MRTFB: variants seen among roughly 807,000 people sequenced by gnomAD.
MRTFB encodes myocardin related transcription factor B.
Under a neutral mutation model 104.2 loss-of-function variants are expected in MRTFB, and 29 were observed. The observed-to-expected ratio is 0.28, with a 90% CI of 0.21 to 0.38. The LOEUF (loss-of-function observed/expected upper bound fraction) is 0.38. Among genes scored for constraint, MRTFB ranks in the 10% least tolerant of loss-of-function variants. MRTFB has a pLI of 1.00. For missense variants in MRTFB, 1,270 were observed against 1,341.6 expected (o/e 0.95, Z 0.83); for synonymous variants, 535 against 519.5 (o/e 1.03, Z -0.41).
At chr16:14,245,685 T>G (rs1304123649) in intron 11 of MRTFB, 25 bp downstream of exon 11, 2 of 1,604,194 alleles carry the variant, frequency 1.2e-6, no homozygotes, top group Non-Finnish European at 1.7e-6. Flanking sequence ...TGGAGCTTAT[T>G]CACCCCTAAG....
In MRTFB at chr16:14,081,736, C is replaced by T. The variant is rs2034420931; in HGVS notation, c.-64+2382C>T. ...CTGGGACCACAGGCACATGCCACCA[C>T]ACTCTGCCAAATTTTTTGTATTTTT... is the stretch of plus-strand genomic sequence containing the variant. On this transcript the variant is annotated intron_variant, in intron 2 of 16. Coordinates refer to ENST00000571589, the MANE Select transcript of MRTFB (RefSeq NM_001308142.2). Among the ~76,000 whole-genome samples, 2 of 152,084 alleles carry T rather than the reference C, an allele frequency of 1.3e-5. 1 individual carries two copies. Among genetic ancestry groups the T allele is most frequent in the South Asian group, 4.1e-4 (2 of 4,824 alleles).
At chr16:14,147,495 A>G (rs892361683) in intron 3 of MRTFB, among the ~76,000 whole-genome samples, 9 of 151,966 alleles carry the variant, frequency 5.9e-5, no homozygotes, top group Admixed American at 5.9e-4. Flanking sequence ...TCTGCCTTCT[A>G]TTTTTCTACT....
the MRTFB span, among the ~76,000 whole-genome samples, chr16:14,000,176 A>T: frequency 2.0e-5 from 3 of 152,166 alleles, no homozygotes; most frequent in South Asian, 2.1e-4. Context: ...ATAAACTCCC[A>T]AGCGCCTGTA....
At chr16:14,104,384 C>T (rs1314444145) in intron 2 of MRTFB, among the ~76,000 whole-genome samples, 21 of 152,198 alleles carry the variant, frequency 1.4e-4, no homozygotes, top group Admixed American at 1.4e-3. Context: ...ATGTTCTCCA[C>T]AGCAGCAGAA....
At chr16:14,120,325 T>C (rs2036779218) in intron 2 of MRTFB, among the ~76,000 whole-genome samples, 1 of 152,234 alleles carries the variant, frequency 6.6e-6, no homozygotes, top group South Asian at 2.1e-4. Flanking sequence ...TGTTCATTTA[T>C]GGTTGGTGCT....
At chr16:14,257,355 C>T (rs2043540172) in intron 15 of MRTFB, among the ~76,000 whole-genome samples, 1 of 152,122 alleles carries the variant, frequency 6.6e-6, no homozygotes. Context: ...ATCCACAAGT[C>T]AATGAATAAA....
At chr16:14,039,011 C>A in the MRTFB span, among the ~76,000 whole-genome samples, 1 of 152,208 alleles carries the variant, frequency 6.6e-6, no homozygotes, top group Non-Finnish European at 1.5e-5. Context: ...ATGGGGGAAA[C>A]TGCCCCCATG....
chr16:14,186,771 A>G, intron 3 of MRTFB: 1 of 1,511,402 alleles, frequency 6.6e-7, no homozygotes, highest in Non-Finnish European at 8.7e-7. Flanking sequence ...CAGCTGCTTA[A>G]AGACATAATT....
chr16:14,250,468 G>T (rs77468812), intron 13 of MRTFB, among the ~76,000 whole-genome samples: 2,969 of 152,306 alleles, frequency 0.019, 110 homozygotes, highest in African/African-American at 0.067. Context: ...ACAGCAAGAA[G>T]TTCTCACCTT....
At chr16:14,193,227 A>G (rs1189099786) in intron 3 of MRTFB, among the ~76,000 whole-genome samples, 1 of 150,780 alleles carries the variant, frequency 6.6e-6, no homozygotes, top group African/African-American at 2.5e-5. Flanking sequence ...AAAAAAAAAA[A>G]AAAAAAAAAA....
chr16:14,131,187 T>G (rs1166872139), intron 2 of MRTFB, among the ~76,000 whole-genome samples: 2 of 152,204 alleles, frequency 1.3e-5, no homozygotes. Flanking sequence ...TCTGAACTGA[T>G]ACCCTATACT....
At chr16:14,133,023 A>G (rs1165269557) in intron 2 of MRTFB, among the ~76,000 whole-genome samples, 1 of 152,272 alleles carries the variant, frequency 6.6e-6, no homozygotes, top group Non-Finnish European at 1.5e-5. Context: ...TGCTTAAATA[A>G]TACTACAATA....
At chr16:14,139,166 T>G (rs946499738) in intron 2 of MRTFB, among the ~76,000 whole-genome samples, 3 of 152,150 alleles carry the variant, frequency 2.0e-5, no homozygotes, top group Non-Finnish European at 2.9e-5. Flanking sequence ...AAATCATATA[T>G]CTGATAAAGC....
At chr16:14,136,355 T>C (rs1213925961) in intron 2 of MRTFB, among the ~76,000 whole-genome samples, 1 of 152,180 alleles carries the variant, frequency 6.6e-6, no homozygotes, top group African/African-American at 2.4e-5. Context: ...TTCACATGTG[T>C]ATTAATAATT....
the MRTFB span, among the ~76,000 whole-genome samples, chr16:14,039,945 T>C: frequency 2.5e-4 from 38 of 152,080 alleles, no homozygotes; most frequent in African/African-American, 8.4e-4. Flanking sequence ...ATGGGGTTTC[T>C]CTATGTTGGT....
intron 3 of MRTFB, among the ~76,000 whole-genome samples, chr16:14,188,587 G>A (rs181056965): frequency 1.3e-5 from 2 of 152,202 alleles, no homozygotes; most frequent in African/African-American, 4.8e-5. Flanking sequence ...CTATGCTTTC[G>A]ATTTATACAG....
the MRTFB span, among the ~76,000 whole-genome samples, chr16:14,050,824 G>A: frequency 6.6e-6 from 1 of 152,106 alleles, no homozygotes; most frequent in African/African-American, 2.4e-5. Context: ...CCCTGCTCTT[G>A]GAGGTCTCGA....
chr16:14,029,405 T>TAAAAAA, the MRTFB span, among the ~76,000 whole-genome samples: 206 of 87,034 alleles, frequency 2.4e-3, no homozygotes, highest in African/African-American at 0.01. Flanking sequence ...GACTCTGTCT[T>TAAAAAA]AAAAAAAAAA....
At chr16:14,031,155 G>A in the MRTFB span, among the ~76,000 whole-genome samples, 5,967 of 152,274 alleles carry the variant, frequency 0.039, 171 homozygotes, top group Non-Finnish European at 0.062. Context: ...ACTTTGGATG[G>A]CCAAGGAGGG....
Sources: gnomAD v4.1 joint callset for allele counts (sites outside exome capture counted in the v4.1 genomes callset) on GRCh38, gnomAD v4.1.1 for gene constraint, MANE v1.5 for transcripts, NCBI Gene and HGNC (gene_info 2026-07-23, HGNC 2026-07-21) for gene names.